Variants in CHRM3 observed in about 807,000 individuals in gnomAD.
CHRM3 encodes the protein cholinergic receptor muscarinic 3, also known as muscarinic acetylcholine receptor M3.
CHRM3 carries 11 observed loss-of-function variants against 41.8 expected under a neutral mutation model. The observed-to-expected ratio is 0.26, with a 90% CI of 0.17 to 0.44. The LOEUF (loss-of-function observed/expected upper bound fraction) is 0.44. Among genes scored for constraint, CHRM3 ranks in the 20% least tolerant of loss-of-function variants. The probability of loss-of-function intolerance (pLI) is 1.00; values close to 1 mark genes in which losing one functional copy is unlikely to be tolerated. For synonymous variants in CHRM3, 297 were observed against 301.4 expected (o/e 0.99, Z 0.15); for missense variants, 571 against 745.4 (o/e 0.77, Z 2.72).
At chr1:239,714,322 T>G (rs1009038009) in intron 5 of CHRM3, 4 of 152,210 alleles carry the variant, frequency 2.6e-5, no homozygotes, top group African/African-American at 9.6e-5. Flanking sequence ...CTTCTGATAC[T>G]GCACCTAACT....
At chr1:239,699,260 G>A (rs554779216) in intron 5 of CHRM3, among the ~76,000 whole-genome samples, 117 of 54,152 alleles carry the variant, frequency 2.2e-3, no homozygotes, top group African/African-American at 6.0e-3. Flanking sequence ...ATGTTGAAGC[G>A]TAACTCCCAG....
chr1:239,756,688 G>GT (rs1253037541), intron 5 of CHRM3, among the ~76,000 whole-genome samples: 1 of 152,106 alleles, frequency 6.6e-6, no homozygotes, highest in Admixed American at 6.5e-5. Flanking sequence ...TGGCTGACCT[G>GT]TTTTCTATGT....
chr1:239,441,233 G>A (rs1046494731), intron 1 of CHRM3, among the ~76,000 whole-genome samples: 1 of 152,164 alleles, frequency 6.6e-6, no homozygotes, highest in African/African-American at 2.4e-5. Context: ...TAGAACTGCT[G>A]GTTTCTGGTT....
intron 3 of CHRM3, among the ~76,000 whole-genome samples, chr1:239,595,729 C>T (rs752226062): frequency 2.7e-4 from 41 of 152,170 alleles, no homozygotes; most frequent in Non-Finnish European, 5.1e-4. Flanking sequence ...AACCATTTCA[C>T]TCTAAAATGG....
rs542372316 is a variant in CHRM3, at chr1:239,616,187, ACCT to A, written c.-312-16032_-312-16030del. 1.7e-3 allele frequency among the ~76,000 whole-genome samples: 257 copies of A among 152,224 alleles called. 1 individual carries two copies. The highest frequency in any genetic ancestry group is 6.0e-3 in the African/African-American group (248 of 41,536). On this transcript the variant is annotated intron_variant, in intron 3 of 6. Coordinates refer to ENST00000676153, the MANE Select transcript of CHRM3 (RefSeq NM_001375978.1). ...GAAATTGCTGCTAATAGACTTGTTG[ACCT>A]CCTCACTCAGCAAATTCGTGTGGTT...
rs561869191 is a variant in CHRM3, at chr1:239,490,681, C to T, written c.-520-2028C>T. Reference sequence around the variant, plus strand: ...GCCTCAAGCAATCCTTTGGCCTCAGCTACCTGGGTAGCTGGGACCCCAGGC... The same window carrying T: ...GCCTCAAGCAATCCTTTGGCCTCAGTTACCTGGGTAGCTGGGACCCCAGGC... On this transcript the variant is annotated intron_variant, in intron 1 of 6. Coordinates refer to ENST00000676153, the MANE Select transcript of CHRM3 (RefSeq NM_001375978.1). 3.3e-4 allele frequency among the ~76,000 whole-genome samples: 51 copies of T among 152,242 alleles called. No individual in the cohort carries two copies. In the South Asian group the frequency reaches 0.01, roughly 31 times the overall value.
intron 5 of CHRM3, among the ~76,000 whole-genome samples, chr1:239,688,086 T>A (rs548399112): frequency 6.6e-6 from 1 of 151,760 alleles, no homozygotes; most frequent in East Asian, 1.9e-4. Flanking sequence ...CTGAAAAAAA[T>A]TGGGAGTTTT....
At chr1:239,495,094 C>T (rs1455350359) in intron 2 of CHRM3, among the ~76,000 whole-genome samples, 1 of 152,122 alleles carries the variant, frequency 6.6e-6, no homozygotes, top group Non-Finnish European at 1.5e-5. Flanking sequence ...TCCTCATATC[C>T]CAGCTTTTAT....
intron 3 of CHRM3, among the ~76,000 whole-genome samples, chr1:239,572,823 A>G (rs1326975981): frequency 1.3e-5 from 2 of 152,238 alleles, no homozygotes; most frequent in African/African-American, 4.8e-5. Context: ...GAAAAATGCA[A>G]TCATGTTATT....
intron 6 of CHRM3, among the ~76,000 whole-genome samples, chr1:239,839,292 T>C (rs1044139572): frequency 4.6e-5 from 7 of 152,376 alleles, no homozygotes; most frequent in Admixed American, 4.6e-4. Flanking sequence ...TTGAAGATAA[T>C]TGAGATGATT....
intron 4 of CHRM3, among the ~76,000 whole-genome samples, chr1:239,641,640 A>G (rs1245428227): frequency 6.9e-6 from 1 of 145,622 alleles, no homozygotes; most frequent in Non-Finnish European, 1.5e-5. Context: ...CCATCCTTTT[A>G]TTTTGAGCCT....
At chr1:239,787,911 T>C (rs1241080912) in intron 5 of CHRM3, among the ~76,000 whole-genome samples, 2 of 152,226 alleles carry the variant, frequency 1.3e-5, no homozygotes, top group African/African-American at 4.8e-5. Flanking sequence ...GTTATTTCAC[T>C]GTAATTGTTA....
At chr1:239,637,554 T>C (rs1025810267) in intron 4 of CHRM3, among the ~76,000 whole-genome samples, 1 of 147,948 alleles carries the variant, frequency 6.8e-6, no homozygotes, top group African/African-American at 2.5e-5. Context: ...TGAAATGCTC[T>C]TTTATTACTT....
chr1:239,747,553 T>C (rs1665473955), intron 5 of CHRM3, among the ~76,000 whole-genome samples: 1 of 152,116 alleles, frequency 6.6e-6, no homozygotes, highest in South Asian at 2.1e-4. Context: ...CCATTAAGCC[T>C]GTTCTTGCCC....
chr1:239,895,378 C>G (rs1307849113), intron 6 of CHRM3, among the ~76,000 whole-genome samples: 1 of 152,212 alleles, frequency 6.6e-6, no homozygotes, highest in African/African-American at 2.4e-5. Context: ...CTCCATCCTT[C>G]CAAGTTACTG....
Position 239,808,219 on chromosome 1 carries a change from G to A in CHRM3, c.-146-19033G>A, listed in dbSNP as rs117106173. Among the ~76,000 whole-genome samples the A allele has an allele frequency of 9.9e-5, 15 of 152,226 alleles. No individual in the cohort carries two copies. The East Asian group carries it at 2.3e-3, about 24-fold the overall frequency. ...GCTCTCCAGCTCCCTGTGACAAGTC[G>A]TAGCTGAAGTCAGATGTGCAGAAAG... On this transcript the variant is annotated intron_variant, in intron 5 of 6. Transcript: ENST00000676153.
intron 5 of CHRM3, among the ~76,000 whole-genome samples, chr1:239,735,867 G>C (rs1259755497): frequency 1.3e-5 from 2 of 152,066 alleles, no homozygotes; most frequent in African/African-American, 4.8e-5. Context: ...GACCATACAG[G>C]AGGGTTTCCT....
chr1:239,849,899 G>T (rs1030927460), intron 6 of CHRM3, among the ~76,000 whole-genome samples: 3 of 152,128 alleles, frequency 2.0e-5, no homozygotes, highest in Non-Finnish European at 2.9e-5. Context: ...GATAAAACGG[G>T]TATCCTCACC....
At chr1:239,835,801 G>A (rs1278640152) in intron 6 of CHRM3, among the ~76,000 whole-genome samples, 3 of 152,214 alleles carry the variant, frequency 2.0e-5, no homozygotes, top group Non-Finnish European at 4.4e-5. Context: ...ATAGGACACA[G>A]TTAAAAATTT....
Sources: allele counts gnomAD v4.1 joint callset (sites outside exome capture counted in the v4.1 genomes callset), GRCh38; gene constraint gnomAD v4.1.1; transcripts MANE v1.5; gene names NCBI Gene and HGNC (gene_info 2026-07-23, HGNC 2026-07-21).